Variants in PDGFC observed in about 807,000 individuals in gnomAD.
PDGFC encodes platelet derived growth factor C, also known as platelet-derived growth factor C.
PDGFC carries 12 observed loss-of-function variants against 35.5 expected under a neutral mutation model. The ratio of observed to expected loss-of-function variants is 0.34; its 90% confidence interval spans 0.22 to 0.55. The LOEUF (loss-of-function observed/expected upper bound fraction) is 0.55, where lower values mean the gene tolerates loss of function less well. Ranked by LOEUF, PDGFC falls within the 20% of genes least tolerant of loss-of-function variation. The pLI is 0.91. For synonymous variants in PDGFC, 159 were observed against 148.8 expected (o/e 1.07, Z -0.50); for missense variants, 322 against 412.4 (o/e 0.78, Z 1.90).
chr4:156,911,406 C>T (rs1250024698), intron 1 of PDGFC, among the ~76,000 whole-genome samples: 2 of 151,846 alleles, frequency 1.3e-5, no homozygotes, highest in South Asian at 2.1e-4. Context: ...GAACTATTTC[C>T]CTTCTCTTTC....
chr4:156,970,959 C>G lies in PDGFC; in HGVS notation c.-56G>C. On this transcript the variant is annotated 5_prime_UTR_variant, in exon 1 of 6. Coordinates refer to ENST00000502773, the MANE Select transcript of PDGFC (RefSeq NM_016205.3). ...GCGGGCACTTTGGAAGCAGCGACTC[C>G]CGAGTCTCTTTCACCACCGCCAGGG... 1 of 1,141,276 alleles carries G rather than the reference C, an allele frequency of 8.8e-7. No individual in the cohort carries two copies. The allele number at this position is 1,141,276 out of a possible 1,614,324, so 70.7% of individuals were successfully genotyped here.
At chr4:156,825,239 G>A (rs1732410052) in intron 2 of PDGFC, among the ~76,000 whole-genome samples, 1 of 151,820 alleles carries the variant, frequency 6.6e-6, no homozygotes, top group Non-Finnish European at 1.5e-5. Context: ...TCCACATCAA[G>A]GCATACTTAA....
At chr4:156,875,887 A>G (rs1003383711) in intron 1 of PDGFC, among the ~76,000 whole-genome samples, 1 of 151,982 alleles carries the variant, frequency 6.6e-6, no homozygotes, top group Admixed American at 6.6e-5. Context: ...TGTTGGGGGG[A>G]AAAAAAGTGA....
chr4:156,833,787 C>A (rs546178013), intron 2 of PDGFC, among the ~76,000 whole-genome samples: 16 of 152,252 alleles, frequency 1.1e-4, no homozygotes, highest in Non-Finnish European at 1.9e-4. Context: ...CCTCTTTCAG[C>A]CTGTAAGTAA....
intron 1 of PDGFC, among the ~76,000 whole-genome samples, chr4:156,885,294 A>G (rs187198231): frequency 6.6e-6 from 1 of 152,284 alleles, no homozygotes; most frequent in East Asian, 1.9e-4. Context: ...CCATTTTACT[A>G]AGATACAGTG....
chr4:156,922,388 T>C (rs1731307070), intron 1 of PDGFC, among the ~76,000 whole-genome samples: 2 of 152,170 alleles, frequency 1.3e-5, no homozygotes, highest in African/African-American at 4.8e-5. Flanking sequence ...ATTGAGAATA[T>C]AATCCTGGAC....
In PDGFC at chr4:156,971,794, C is replaced by T. The variant is rs1459346017; in HGVS notation, c.-891G>A. Among the ~76,000 whole-genome samples, 2 of 151,980 alleles carry T rather than the reference C, an allele frequency of 1.3e-5. No individual in the cohort carries two copies. Among genetic ancestry groups the T allele is most frequent in the African/African-American group, 4.8e-5 (2 of 41,430 alleles). The stretch of plus-strand genomic sequence containing the variant: ...CGGGGCTACGCGCGGCGTCTCCGCA[C>T]GGGGTGAAGAGGGAAGGCCGGGGCG... On this transcript the variant is annotated 5_prime_UTR_variant, in exon 1 of 6. It adds an upstream start codon to the 5' untranslated region. Transcript: ENST00000502773.
chr4:156,860,789 A>T (rs1729692523), intron 1 of PDGFC, among the ~76,000 whole-genome samples: 1 of 152,126 alleles, frequency 6.6e-6, no homozygotes, highest in South Asian at 2.1e-4. Context: ...CAACCACATA[A>T]ACCCTCAAAG....
intron 1 of PDGFC, among the ~76,000 whole-genome samples, chr4:156,934,191 T>A (rs1299575185): frequency 1.3e-5 from 2 of 152,220 alleles, no homozygotes; most frequent in East Asian, 3.9e-4. Flanking sequence ...TCATAGAGCA[T>A]GCTTAAACAA....
intron 1 of PDGFC, among the ~76,000 whole-genome samples, chr4:156,958,510 A>G (rs1732264289): frequency 6.6e-6 from 1 of 152,012 alleles, no homozygotes; most frequent in African/African-American, 2.4e-5. Context: ...AGGCTCATTG[A>G]TTTTTACTAA....
At chr4:156,928,692 T>A (rs1252373009) in intron 1 of PDGFC, among the ~76,000 whole-genome samples, 1 of 152,162 alleles carries the variant, frequency 6.6e-6, no homozygotes, top group Non-Finnish European at 1.5e-5. Flanking sequence ...CAGTTTCTTT[T>A]TACCATTTTT....
At chr4:156,768,988 T>G (rs1381725986) in intron 4 of PDGFC, among the ~76,000 whole-genome samples, 1 of 151,962 alleles carries the variant, frequency 6.6e-6, no homozygotes, top group Non-Finnish European at 1.5e-5. Context: ...ATATAATTTA[T>G]TTTCTGCCTT....
chr4:156,879,208 G>C (rs535065760), intron 1 of PDGFC, among the ~76,000 whole-genome samples: 1 of 152,230 alleles, frequency 6.6e-6, no homozygotes, highest in African/African-American at 2.4e-5. Context: ...CAATCCTCCT[G>C]TAGAAATCAC....
At chr4:156,894,290 T>A (rs1027406108) in intron 1 of PDGFC, among the ~76,000 whole-genome samples, 10 of 152,188 alleles carry the variant, frequency 6.6e-5, no homozygotes, top group Non-Finnish European at 1.0e-4. Flanking sequence ...TCTAAATACA[T>A]AATGTAGGAT....
At chr4:156,824,330 AC>A in intron 2 of PDGFC, among the ~76,000 whole-genome samples, 1 of 117,106 alleles carries the variant, frequency 8.5e-6, no homozygotes, top group Non-Finnish European at 1.7e-5. Context: ...ATATATATAC[AC>A]ACACACACAC....
At chr4:156,958,389 T>G (rs1356983001) in intron 1 of PDGFC, among the ~76,000 whole-genome samples, 1 of 151,958 alleles carries the variant, frequency 6.6e-6, no homozygotes, top group Non-Finnish European at 1.5e-5. Flanking sequence ...CATTGTCTGT[T>G]GTTTTTTAAG....
chr4:156,818,350 G>A (rs993400564), intron 2 of PDGFC, among the ~76,000 whole-genome samples: 8 of 151,734 alleles, frequency 5.3e-5, no homozygotes, highest in African/African-American at 1.7e-4. Context: ...GTGTTCCTGG[G>A]TCACATTTTG....
chr4:156,901,549 T>C (rs1191930656), intron 1 of PDGFC, among the ~76,000 whole-genome samples: 1 of 152,034 alleles, frequency 6.6e-6, no homozygotes, highest in Non-Finnish European at 1.5e-5. Context: ...TTCTTATATA[T>C]TGGTAGCGAG....
At chr4:156,802,025 T>G (rs1309444812) in intron 3 of PDGFC, among the ~76,000 whole-genome samples, 1 of 152,184 alleles carries the variant, frequency 6.6e-6, no homozygotes, top group African/African-American at 2.4e-5. Context: ...TCTATTTTCC[T>G]ACCTGCCCCT....
Sources: allele counts gnomAD v4.1 joint callset (sites outside exome capture counted in the v4.1 genomes callset), GRCh38; gene constraint gnomAD v4.1.1; transcripts MANE v1.5; gene names NCBI Gene and HGNC (gene_info 2026-07-23, HGNC 2026-07-21).